Variants in LIMCH1 observed in about 807,000 individuals in gnomAD.
LIMCH1 encodes LIM and calponin homology domains-containing protein 1.
Under a neutral mutation model 176.5 loss-of-function variants are expected in LIMCH1, and 113 were observed. That is an observed-to-expected ratio of 0.64 (90% CI 0.55 to 0.75). The LOEUF is 0.75. LIMCH1 is among the 30% of genes least tolerant of loss of function. The pLI is 0.00. For synonymous variants in LIMCH1, 619 were observed against 645.9 expected (o/e 0.96, Z 0.63); for missense variants, 1,674 against 1,814.9 (o/e 0.92, Z 1.41).
chr4:41,599,714 C>T (rs1170447231), intron 2 of LIMCH1, among the ~76,000 whole-genome samples: 3 of 152,276 alleles, frequency 2.0e-5, no homozygotes, highest in Non-Finnish European at 2.9e-5. Flanking sequence ...TCCACTTTAG[C>T]CAAACAATGT....
intron 27 of LIMCH1, 82 bp downstream of exon 27, chr4:41,684,600 C>T (rs903473670): frequency 1.0e-5 from 15 of 1,493,638 alleles, no homozygotes; most frequent in Non-Finnish European, 1.3e-5. Context: ...ATGATCTCTG[C>T]TGGCTGCAGG....
chr4:41,369,022 C>T (rs562596821), intron 1 of LIMCH1, among the ~76,000 whole-genome samples: 1 of 152,244 alleles, frequency 6.6e-6, no homozygotes, highest in South Asian at 2.1e-4. Flanking sequence ...GGTGGTGACC[C>T]ACAGATGTCT....
At chr4:41,536,676 C>A (rs2077982865), upstream of LIMCH1, among the ~76,000 whole-genome samples, 1 of 152,060 alleles carries the variant, frequency 6.6e-6, no homozygotes, top group South Asian at 2.1e-4. Context: ...ATCAGACAAA[C>A]CTAAATGGAA....
chr4:41,402,139 A>C (rs946291049), intron 1 of LIMCH1, among the ~76,000 whole-genome samples: 4 of 152,100 alleles, frequency 2.6e-5, no homozygotes, highest in African/African-American at 9.7e-5. Context: ...AGAAAAAAAC[A>C]AACAACCCCA....
upstream of LIMCH1, among the ~76,000 whole-genome samples, chr4:41,360,012 GGTAGGGTGT>G (rs2051791014): frequency 1.4e-5 from 2 of 145,220 alleles, no homozygotes; most frequent in Admixed American, 6.9e-5. This position sits in a 1 kb window ranked among gnomAD's most constrained non-coding sequence, Gnocchi z 4.5. Context: ...GGTGTGTGTG[GGTAGGGTGT>G]GTAGGGTGTG....
rs1714291860 is a variant in LIMCH1 at position 41,679,943 on chromosome 4, G to A, written c.3520-63G>A. On this transcript the variant is annotated intron_variant, in intron 23 of 31. Coordinates refer to ENST00000503057, the MANE Select transcript of LIMCH1 (RefSeq NM_001330672.2). Reference sequence around the variant, plus strand: ...CATATTGTACATGGTGGTTTAGGGGGGAAAATTCCCGATGACGTATGCAAT... The same window carrying A: ...CATATTGTACATGGTGGTTTAGGGGAGAAAATTCCCGATGACGTATGCAAT... 5 of 1,091,970 alleles carry A rather than the reference G, an allele frequency of 4.6e-6. No individual in the cohort carries two copies. The Admixed American group carries it at 6.1e-5, about 13-fold the overall frequency. The allele number at this position is 1,091,970 out of a possible 1,614,324, so 67.6% of individuals were successfully genotyped here. A position where few individuals can be genotyped will look rare whatever the true frequency, so the allele number is the denominator to read the frequency against.
chr4:41,571,480 G>A (rs1304916525), intron 1 of LIMCH1, among the ~76,000 whole-genome samples: 2 of 152,036 alleles, frequency 1.3e-5, no homozygotes, highest in Non-Finnish European at 2.9e-5. Flanking sequence ...AAGTGGGAGG[G>A]GTGTCACAGA....
rs1184605424 is a variant in LIMCH1 at position 41,426,853 on chromosome 4, A to G, written c.96+65917A>G. 5.9e-5 allele frequency among the ~76,000 whole-genome samples: 9 copies of G among 152,374 alleles called. No individual in the cohort carries two copies. In the South Asian group the frequency reaches 1.0e-3, roughly 18 times the overall value. On this transcript the variant is annotated intron_variant, in intron 1 of 26. Coordinates refer to the LIMCH1 transcript ENST00000313860. Reference sequence around the variant, plus strand: ...GGTTTTCCTTTCACCTAAAATAACCATTACAAGTAAGATACTAAGTAAAAA... The same window carrying G: ...GGTTTTCCTTTCACCTAAAATAACCGTTACAAGTAAGATACTAAGTAAAAA...
At chr4:41,477,327 T>C (rs2067898933) in intron 1 of LIMCH1, among the ~76,000 whole-genome samples, 1 of 152,126 alleles carries the variant, frequency 6.6e-6, no homozygotes, top group Non-Finnish European at 1.5e-5. Context: ...AGTAGCTTTA[T>C]GTGAATTAGG....
intron 21 of LIMCH1, among the ~76,000 whole-genome samples, chr4:41,668,871 G>A (rs568583290): frequency 9.8e-5 from 15 of 152,296 alleles, no homozygotes; most frequent in African/African-American, 3.1e-4. Context: ...GAGAGAGCTT[G>A]TGTAGGGAAA....
At chr4:41,431,470 C>T (rs962532357) in intron 1 of LIMCH1, among the ~76,000 whole-genome samples, 2 of 152,188 alleles carry the variant, frequency 1.3e-5, no homozygotes, top group African/African-American at 4.8e-5. Context: ...CAGTGTCTGA[C>T]ATGTAACAAG....
chr4:41,587,142 G>T (rs946305701), intron 1 of LIMCH1, among the ~76,000 whole-genome samples: 1 of 152,160 alleles, frequency 6.6e-6, no homozygotes, highest in African/African-American at 2.4e-5. Context: ...TGAAGAGTTT[G>T]TATGCTAAAA....
chr4:41,588,433 G>A (rs554981910), intron 1 of LIMCH1, among the ~76,000 whole-genome samples: 1 of 152,208 alleles, frequency 6.6e-6, no homozygotes, highest in South Asian at 2.1e-4. Flanking sequence ...GGATTAACAA[G>A]TGGATCCAGG....
At chr4:41,577,882 CTA>C (rs923479875) in intron 1 of LIMCH1, among the ~76,000 whole-genome samples, 3 of 152,160 alleles carry the variant, frequency 2.0e-5, no homozygotes, top group Non-Finnish European at 4.4e-5. Flanking sequence ...TACCATAATT[CTA>C]TTTAAGCGAT....
chr4:41,511,959 T>G (rs7684066), intron 2 of LIMCH1, among the ~76,000 whole-genome samples: 2 of 151,982 alleles, frequency 1.3e-5, no homozygotes, highest in African/African-American at 2.4e-5. Flanking sequence ...GCAAATGATA[T>G]CATCTCTCAA....
At chr4:41,672,562 A>G (rs1028638111) in intron 22 of LIMCH1, among the ~76,000 whole-genome samples, 2 of 152,228 alleles carry the variant, frequency 1.3e-5, no homozygotes, top group African/African-American at 4.8e-5. Flanking sequence ...ACCCCTTCTC[A>G]TAATGAGTAT....
intron 1 of LIMCH1, among the ~76,000 whole-genome samples, chr4:41,487,337 G>A (rs777880547): frequency 2.6e-5 from 4 of 152,166 alleles, no homozygotes; most frequent in Admixed American, 6.5e-5. Context: ...CATTTGAATC[G>A]GTGGAGAGCA....
chr4:41,626,779 C>A lies in LIMCH1; in HGVS notation c.797C>A (p.Thr266Asn). The A allele has an allele frequency of 6.5e-7, 1 of 1,536,372 alleles. No homozygotes were observed. Among genetic ancestry groups the A allele is most frequent in the Non-Finnish European group, 8.7e-7 (1 of 1,146,962 alleles). Residue 266 changes from threonine to asparagine, a missense_variant, in exon 8 of 32, where the codon ACC becomes AAC. By Grantham distance (65) the Thr-to-Asn change is moderately conservative (BLOSUM62 0). This residue lies in a region of LIMCH1 where 655 missense variants were observed against 692.2 expected (regional missense o/e 0.95). Coordinates refer to ENST00000503057, the MANE Select transcript of LIMCH1 (RefSeq NM_001330672.2). ...IVLRKENSFL[T>N]HQHGNDSEAE... ...CTTCGCAAAGAAAACTCTTTCCTGA[C>A]CCACCAACATGGCAACGATTCAGAG...
intron 1 of LIMCH1, among the ~76,000 whole-genome samples, chr4:41,570,643 T>A (rs917977828): frequency 4.8e-4 from 73 of 152,330 alleles, no homozygotes; most frequent in African/African-American, 1.6e-3. Flanking sequence ...CCGAACATTT[T>A]GTGGCAAAGA....
Sources: allele counts gnomAD v4.1 joint callset (sites outside exome capture counted in the v4.1 genomes callset), GRCh38; gene constraint gnomAD v4.1.1; regional missense constraint gnomAD v4.1.1; non-coding constraint Gnocchi (gnomAD v3.1); transcripts MANE v1.5; gene names NCBI Gene and HGNC (gene_info 2026-07-23, HGNC 2026-07-21).